RORB: variants seen among roughly 807,000 people sequenced by gnomAD.
RORB encodes nuclear receptor ROR-beta.
RORB carries 6 observed loss-of-function variants against 59.1 expected under a neutral mutation model. That is an observed-to-expected ratio of 0.10 (90% confidence interval 0.06 to 0.20). RORB has a LOEUF of 0.20. RORB is among the 10% of genes least tolerant of loss of function. The probability of loss-of-function intolerance (pLI) is 1.00; values close to 1 mark genes in which losing one functional copy is unlikely to be tolerated. For missense variants in RORB, 320 were observed against 560.5 expected (o/e 0.57, Z 4.33); for synonymous variants, 215 against 204.5 (o/e 1.05, Z -0.44).
intron 1 of RORB, among the ~76,000 whole-genome samples, chr9:74,522,064 T>G (rs548981597): frequency 8.0e-4 from 122 of 151,936 alleles, no homozygotes; most frequent in Non-Finnish European, 7.8e-4. Flanking sequence ...TATTGAGCAG[T>G]CACTTAAGAC....
intron 1 of RORB, among the ~76,000 whole-genome samples, chr9:74,571,853 C>T (rs1197764221): frequency 1.3e-5 from 2 of 152,082 alleles, no homozygotes; most frequent in African/African-American, 2.4e-5. Flanking sequence ...GTAGTAAATG[C>T]TTTCTGAGCC....
At chr9:74,517,898 C>A (rs905847142) in intron 1 of RORB, among the ~76,000 whole-genome samples, 1 of 151,982 alleles carries the variant, frequency 6.6e-6, no homozygotes, top group African/African-American at 2.4e-5. Flanking sequence ...TGTGAATTAC[C>A]TCAGTTAATC....
chr9:74,527,883 T>G (rs1002664624), intron 1 of RORB, among the ~76,000 whole-genome samples: 1 of 152,132 alleles, frequency 6.6e-6, no homozygotes, highest in Non-Finnish European at 1.5e-5. Context: ...GGGTAGCAGG[T>G]TGACTTCATG....
At chr9:74,570,766 GA>G (rs1362084584) in intron 1 of RORB, among the ~76,000 whole-genome samples, 2 of 152,024 alleles carry the variant, frequency 1.3e-5, no homozygotes, top group East Asian at 3.9e-4. Context: ...CACAGAGCCT[GA>G]AAAATAGTGT....
chr9:74,618,147 A>G (rs1454052704), intron 1 of RORB, among the ~76,000 whole-genome samples: 3 of 152,138 alleles, frequency 2.0e-5, no homozygotes, highest in South Asian at 4.2e-4. Context: ...ACACACACGC[A>G]CACACACGCG....
chr9:74,649,472 T>C (rs1288736210), intron 4 of RORB, among the ~76,000 whole-genome samples: 3 of 152,154 alleles, frequency 2.0e-5, no homozygotes, highest in Non-Finnish European at 4.4e-5. Flanking sequence ...TCTACCATGG[T>C]TACATCTATA....
chr9:74,509,537 T>G (rs544942286), intron 1 of RORB, among the ~76,000 whole-genome samples: 1 of 152,136 alleles, frequency 6.6e-6, no homozygotes, highest in Non-Finnish European at 1.5e-5. Flanking sequence ...TAGTTTGTGA[T>G]GTGAATGCAC....
At chr9:74,648,845 G>A (rs915357726) in intron 4 of RORB, among the ~76,000 whole-genome samples, 1 of 152,178 alleles carries the variant, frequency 6.6e-6, no homozygotes, top group Non-Finnish European at 1.5e-5. Context: ...CAATTAAAGA[G>A]TGAGCTGCTG....
intron 1 of RORB, among the ~76,000 whole-genome samples, chr9:74,523,352 C>T (rs1258268948): frequency 6.6e-6 from 1 of 151,664 alleles, no homozygotes; most frequent in Non-Finnish European, 1.5e-5. Context: ...CTGCATCTTC[C>T]TCTTCCTCTC....
chr9:74,589,082 T>G (rs1822850471), intron 1 of RORB, among the ~76,000 whole-genome samples: 1 of 152,172 alleles, frequency 6.6e-6, no homozygotes, highest in South Asian at 2.1e-4. Flanking sequence ...TTATTGGATG[T>G]CCAATTACAG....
intron 1 of RORB, among the ~76,000 whole-genome samples, chr9:74,504,941 A>G (rs1461562075): frequency 6.6e-6 from 1 of 152,092 alleles, no homozygotes; most frequent in Non-Finnish European, 1.5e-5. Context: ...AGACTGCTAC[A>G]CCATTAACTA....
chr9:74,681,288 G>A (rs1485607683), intron 9 of RORB, among the ~76,000 whole-genome samples: 1 of 152,150 alleles, frequency 6.6e-6, no homozygotes, highest in Admixed American at 6.5e-5. Context: ...ATATTAATGA[G>A]CAATAAGTGA....
intron 4 of RORB, among the ~76,000 whole-genome samples, chr9:74,650,386 T>C (rs1823971525): frequency 6.6e-6 from 1 of 152,172 alleles, no homozygotes; most frequent in Admixed American, 6.5e-5. Context: ...AAATACCACA[T>C]GGGCTATGGA....
chr9:74,640,703 C>T (rs1318835049), intron 3 of RORB, among the ~76,000 whole-genome samples: 1 of 152,134 alleles, frequency 6.6e-6, no homozygotes, highest in African/African-American at 2.4e-5. Context: ...CCAATACCCC[C>T]AAGTGAATGC....
intron 4 of RORB, among the ~76,000 whole-genome samples, chr9:74,643,513 C>G (rs1823844773): frequency 6.6e-6 from 1 of 152,238 alleles, no homozygotes; most frequent in East Asian, 1.9e-4. Context: ...GGCAAGCTCT[C>G]TTCTGACCCA....
At chr9:74,543,231 A>C (rs1350226775) in intron 1 of RORB, among the ~76,000 whole-genome samples, 9 of 152,074 alleles carry the variant, frequency 5.9e-5, no homozygotes. Context: ...TCCACCACAT[A>C]CGGCAACCCA....
chr9:74,511,736 T>G (rs978841309), intron 1 of RORB, among the ~76,000 whole-genome samples: 3 of 149,782 alleles, frequency 2.0e-5, no homozygotes, highest in African/African-American at 7.4e-5. Flanking sequence ...TCTAGTATGA[T>G]AATAAGGTTA....
rs1339535023 is a variant in RORB at position 74,608,830 on chromosome 9, C to A, written c.8-21452C>A. 2.0e-5 allele frequency among the ~76,000 whole-genome samples: 3 copies of A among 152,108 alleles called. No homozygotes were observed. The East Asian group carries it at 5.8e-4, about 29-fold the overall frequency. On this transcript the variant is annotated intron_variant, in intron 1 of 9. Transcript: ENST00000376896. ...CTGCACAAGTTTCTTCTTGCATTTG[C>A]CAAACTGTAAATAGATTAACCCATT...
At chr9:74,579,662 A>G (rs912373803) in intron 1 of RORB, among the ~76,000 whole-genome samples, 2 of 152,134 alleles carry the variant, frequency 1.3e-5, no homozygotes, top group African/African-American at 4.8e-5. Flanking sequence ...GACTTTTCCT[A>G]TCATATCACA....
Sources: gnomAD v4.1 joint callset for allele counts (sites outside exome capture counted in the v4.1 genomes callset) on GRCh38, gnomAD v4.1.1 for gene constraint, MANE v1.5 for transcripts, NCBI Gene and HGNC (gene_info 2026-07-23, HGNC 2026-07-21) for gene names.